MAPK10: variants seen among roughly 807,000 people sequenced by gnomAD.
The protein encoded by MAPK10 is JNK3 alpha protein kinase.
MAPK10 carries 25 observed loss-of-function variants against 59.3 expected under a neutral mutation model. The observed-to-expected ratio is 0.42, with a 90% confidence interval of 0.31 to 0.59. MAPK10 has a LOEUF of 0.59. Ranked by LOEUF, MAPK10 falls within the 20% of genes least tolerant of loss-of-function variation. The pLI, the probability that MAPK10 is intolerant of heterozygous loss-of-function variation, is 0.15. For missense variants in MAPK10, 351 were observed against 568.9 expected (o/e 0.62, Z 3.90); for synonymous variants, 190 against 200.5 (o/e 0.95, Z 0.44).
chr4:86,321,668 T>C (rs1462789241), intron 2 of MAPK10, among the ~76,000 whole-genome samples: 1 of 151,374 alleles, frequency 6.6e-6, no homozygotes, highest in East Asian at 2.0e-4. Flanking sequence ...CACACCAGCA[T>C]GGCACATGTA....
At chr4:86,128,815 G>A (rs765495865) in intron 4 of MAPK10, among the ~76,000 whole-genome samples, 13 of 152,008 alleles carry the variant, frequency 8.6e-5, no homozygotes, top group Admixed American at 5.9e-4. Flanking sequence ...TTGCTGTGAT[G>A]CATGACAACT....
At chr4:86,470,949 T>C (rs993025670) in intron 1 of MAPK10, among the ~76,000 whole-genome samples, 2 of 152,202 alleles carry the variant, frequency 1.3e-5, no homozygotes, top group African/African-American at 4.8e-5. Flanking sequence ...TTTATTCTTA[T>C]TTAAATATTT....
intron 4 of MAPK10, among the ~76,000 whole-genome samples, chr4:86,120,839 T>C (rs1315456541): frequency 1.3e-5 from 2 of 152,182 alleles, no homozygotes; most frequent in Admixed American, 1.3e-4. Context: ...AGGGTGTAGT[T>C]AGACAGCCTT....
intron 11 of MAPK10, among the ~76,000 whole-genome samples, chr4:86,040,410 G>T (rs2041273127): frequency 6.6e-6 from 1 of 152,094 alleles, no homozygotes; most frequent in African/African-American, 2.4e-5. Flanking sequence ...GAAAGAATTT[G>T]TAGCCTTGAA....
chr4:86,174,364 T>A (rs372570451), intron 3 of MAPK10, among the ~76,000 whole-genome samples: 2 of 151,822 alleles, frequency 1.3e-5, no homozygotes, highest in Non-Finnish European at 2.9e-5. Flanking sequence ...CAAACTAACA[T>A]AGGAATAGAA....
intron 2 of MAPK10, among the ~76,000 whole-genome samples, chr4:86,337,887 T>C (rs574435820): frequency 2.0e-5 from 3 of 152,320 alleles, no homozygotes; most frequent in Non-Finnish European, 2.9e-5. Context: ...TCTTACAATA[T>C]ACATTTGTCA....
chr4:86,564,399 C>T (rs952286446), intron 1 of MAPK10, among the ~76,000 whole-genome samples: 10 of 152,136 alleles, frequency 6.6e-5, no homozygotes, highest in East Asian at 1.9e-4. Flanking sequence ...ATTAGTAGTA[C>T]AGAAGTTGCC....
intron 4 of MAPK10, chr4:86,125,682 G>A (rs999077583): frequency 1.3e-5 from 2 of 152,042 alleles, no homozygotes; most frequent in South Asian, 2.1e-4. Flanking sequence ...TTTATGTTTA[G>A]TTATTTTATC....
intron 2 of MAPK10, chr4:86,327,766 C>G (rs916493988): frequency 2.7e-4 from 34 of 124,770 alleles, no homozygotes; most frequent in African/African-American, 9.8e-4. Context: ...CCTGCGAAAC[C>G]CCATCTCTAC....
At chr4:86,287,337 A>G (rs887567027) in intron 2 of MAPK10, among the ~76,000 whole-genome samples, 2 of 152,176 alleles carry the variant, frequency 1.3e-5, no homozygotes, top group Admixed American at 1.3e-4. Context: ...ATTATGAACT[A>G]TTTCTATCAA....
chr4:86,411,454 C>A (rs921556010), intron 1 of MAPK10, among the ~76,000 whole-genome samples: 1 of 152,122 alleles, frequency 6.6e-6, no homozygotes, highest in Non-Finnish European at 1.5e-5. Context: ...TCCTGGATAG[C>A]CTTGTTAACA....
chr4:86,412,649 T>C (rs1319164487), intron 1 of MAPK10, among the ~76,000 whole-genome samples: 1 of 152,220 alleles, frequency 6.6e-6, no homozygotes, highest in Non-Finnish European at 1.5e-5. Context: ...TTTCATTTAT[T>C]TGATCTTAAA....
rs373035727 is a variant in MAPK10 at position 86,015,008 on chromosome 4, T to TTAA, written c.*2219_*2220insTTA. ...TAGAGATACAGAGAGGAGAAGTTTTTAAAAAAAAAAAAAAAAAACAGGAAT... is the reference window on the plus strand; with the variant it reads ...TAGAGATACAGAGAGGAGAAGTTTTTTAAAAAAAAAAAAAAAAAAAACAGGAAT... On this transcript the variant is annotated 3_prime_UTR_variant, in exon 14 of 14. Transcript: ENST00000641462. The TTAA allele has an allele frequency of 2.7e-5, 3 of 110,152 alleles. No individual in the cohort carries two copies. Among genetic ancestry groups the TTAA allele is most frequent in the African/African-American group, 9.5e-5 (3 of 31,642 alleles). 6.8% of individuals were successfully genotyped at this position (110,152 alleles called of 1,614,324 possible). A position where few individuals can be genotyped will look rare whatever the true frequency, so the allele number is the denominator to read the frequency against.
chr4:86,253,822 T>C (rs1395988607), intron 2 of MAPK10, among the ~76,000 whole-genome samples: 1 of 78,332 alleles, frequency 1.3e-5, no homozygotes, highest in Non-Finnish European at 2.3e-5. Flanking sequence ...TTTTGGTTGG[T>C]AAACTATTGA....
At chr4:86,436,485 T>C (rs564698445) in intron 1 of MAPK10, among the ~76,000 whole-genome samples, 1 of 152,286 alleles carries the variant, frequency 6.6e-6, no homozygotes, top group East Asian at 1.9e-4. Context: ...TCGATGGTCA[T>C]TTAGTATAGG....
intron 2 of MAPK10, among the ~76,000 whole-genome samples, chr4:86,250,240 G>A (rs6845605): frequency 0.33 from 49,671 of 151,698 alleles, 11,010 homozygotes; most frequent in African/African-American, 0.64. Context: ...GTTTGTCTTG[G>A]GCAAGAAAGG....
At chr4:86,238,911 C>T (rs2092497223) in intron 2 of MAPK10, among the ~76,000 whole-genome samples, 1 of 152,176 alleles carries the variant, frequency 6.6e-6, no homozygotes, top group African/African-American at 2.4e-5. Flanking sequence ...CACAGGGCAT[C>T]CTTGTCTTAT....
At chr4:86,513,743 A>G (rs1007297532) in intron 1 of MAPK10, among the ~76,000 whole-genome samples, 1 of 152,148 alleles carries the variant, frequency 6.6e-6, no homozygotes, top group Non-Finnish European at 1.5e-5. Context: ...TTAAAACCTT[A>G]TACCTATTGC....
intron 11 of MAPK10, among the ~76,000 whole-genome samples, chr4:86,038,556 T>C (rs1394552157): frequency 2.2e-5 from 1 of 45,894 alleles, no homozygotes; most frequent in African/African-American, 1.7e-4. Flanking sequence ...GTTTTCTAAT[T>C]TTTTTTTTCT....
Sources: gnomAD v4.1 joint callset for allele counts (sites outside exome capture counted in the v4.1 genomes callset) on GRCh38, gnomAD v4.1.1 for gene constraint, MANE v1.5 for transcripts, NCBI Gene and HGNC (gene_info 2026-07-23, HGNC 2026-07-21) for gene names.